Variants in ASCC3 observed in about 807,000 individuals in gnomAD.
ASCC3 encodes the protein activating signal cointegrator 1 complex subunit 3.
In ASCC3, 158 loss-of-function variants were observed where a neutral mutation model predicts 256.3. That is an observed-to-expected ratio of 0.62 (90% confidence interval 0.54 to 0.70). The LOEUF (loss-of-function observed/expected upper bound fraction) is 0.70. Ranked by LOEUF, ASCC3 falls within the 30% of genes least tolerant of loss-of-function variation. The pLI is 0.00. For missense variants in ASCC3, 2,259 were observed against 2,626.0 expected (o/e 0.86, Z 3.05); for synonymous variants, 948 against 883.4 (o/e 1.07, Z -1.30).
intron 3 of ASCC3, among the ~76,000 whole-genome samples, chr6:100,852,025 G>A (rs1209391460): frequency 3.3e-5 from 5 of 152,208 alleles, no homozygotes; most frequent in Non-Finnish European, 7.3e-5. Flanking sequence ...AGGCGTAAGA[G>A]ACTGGCTGTT....
chr6:100,633,110 C>G (rs1774639526), intron 25 of ASCC3, among the ~76,000 whole-genome samples: 1 of 152,118 alleles, frequency 6.6e-6, no homozygotes, highest in African/African-American at 2.4e-5. Context: ...TCCACGCTTC[C>G]AATTACTTGT....
intron 10 of ASCC3, among the ~76,000 whole-genome samples, chr6:100,731,018 T>C (rs984345061): frequency 2.6e-5 from 4 of 152,108 alleles, no homozygotes; most frequent in African/African-American, 9.7e-5. Context: ...ATAATAAAGC[T>C]AAAGCACAAA....
intron 10 of ASCC3, among the ~76,000 whole-genome samples, chr6:100,738,032 G>A (rs984979551): frequency 1.3e-5 from 2 of 152,182 alleles, no homozygotes; most frequent in South Asian, 2.1e-4. Context: ...CTCTGGAGAA[G>A]TGTCTGTTCA....
intron 14 of ASCC3, among the ~76,000 whole-genome samples, chr6:100,675,356 A>G (rs1776958244): frequency 6.6e-6 from 1 of 152,196 alleles, no homozygotes; most frequent in Non-Finnish European, 1.5e-5. Context: ...CATCCCTGCT[A>G]CTACTAAGTC....
At chr6:100,813,058 A>G (rs1170690457) in intron 4 of ASCC3, among the ~76,000 whole-genome samples, 1 of 152,192 alleles carries the variant, frequency 6.6e-6, no homozygotes, top group Non-Finnish European at 1.5e-5. Flanking sequence ...CATACACATA[A>G]TAAGCATACC....
intron 4 of ASCC3, among the ~76,000 whole-genome samples, chr6:100,847,048 T>G (rs1772418028): frequency 6.6e-6 from 1 of 152,080 alleles, no homozygotes; most frequent in Admixed American, 6.6e-5. Flanking sequence ...ATACTCCCCT[T>G]CCAACAATCA....
At chr6:100,704,249 G>T (rs1778480823) in intron 13 of ASCC3, among the ~76,000 whole-genome samples, 1 of 151,848 alleles carries the variant, frequency 6.6e-6, no homozygotes, top group Admixed American at 6.6e-5. Flanking sequence ...TTTAATTCTT[G>T]TGCTCCTAAT....
chr6:100,550,051 C>T (rs1021041123), intron 36 of ASCC3, among the ~76,000 whole-genome samples: 2 of 151,808 alleles, frequency 1.3e-5, no homozygotes, highest in African/African-American at 2.4e-5. Context: ...TTGGGAACAT[C>T]CATGAGCAGG....
chr6:100,605,442 GT>G, intron 33 of ASCC3, 125 bp downstream of exon 33: 1 of 706,646 alleles, frequency 1.4e-6, no homozygotes, highest in East Asian at 2.8e-5. Flanking sequence ...TAATTATATT[GT>G]TTCACATTAT....
At chr6:100,847,625 C>G (rs1217093887) in intron 4 of ASCC3, among the ~76,000 whole-genome samples, 1 of 152,082 alleles carries the variant, frequency 6.6e-6, no homozygotes, top group Non-Finnish European at 1.5e-5. Flanking sequence ...ATGTTACTTA[C>G]CATTTTGCAT....
chr6:100,605,499 AAATAT>A, intron 33 of ASCC3, 64 bp downstream of exon 33: 1 of 1,171,808 alleles, frequency 8.5e-7, no homozygotes, highest in Non-Finnish European at 1.2e-6. Flanking sequence ...TTATATAATA[AAATAT>A]AACCAGAAAA....
At chr6:100,811,335 C>G (rs1421652811) in intron 4 of ASCC3, among the ~76,000 whole-genome samples, 4 of 152,122 alleles carry the variant, frequency 2.6e-5, no homozygotes, top group Non-Finnish European at 5.9e-5. Context: ...TTATCACCTC[C>G]TTTCTCAAAT....
chr6:100,702,602 G>C (rs923173877), intron 13 of ASCC3, among the ~76,000 whole-genome samples: 1 of 152,068 alleles, frequency 6.6e-6, no homozygotes, highest in Non-Finnish European at 1.5e-5. Context: ...ATTTATAAAG[G>C]GTCTAAGGCC....
Position 100,867,911 on chromosome 6 carries a change from T to C in ASCC3, c.87A>G (p.Leu29=). 6.2e-7 allele frequency: 1 copy of C among 1,609,888 alleles called. No homozygotes were observed. The highest frequency in any genetic ancestry group is 8.5e-7 in the Non-Finnish European group (1 of 1,176,328). ...TTTCTACCTTTAACAAATCTACCTT[T>C]AAGTCAGCCACTTCTTCATTATAAT... ...QDNYNEEVAD[L]KIKRSKLHEQ... is the part of the protein sequence containing the mutation. Residue 29 remains leucine, a synonymous_variant, in exon 2 of 42, where the codon TTA becomes TTG. Coordinates refer to ENST00000369162, the MANE Select transcript of ASCC3 (RefSeq NM_006828.4).
At chr6:100,736,459 C>G (rs1237896405) in intron 10 of ASCC3, among the ~76,000 whole-genome samples, 1 of 151,904 alleles carries the variant, frequency 6.6e-6, no homozygotes, top group Non-Finnish European at 1.5e-5. Context: ...CGAGATCTTG[C>G]CACTGCACTC....
Position 100,744,171 on chromosome 6 carries a change from C to T in ASCC3, c.1738-18468G>A, listed in dbSNP as rs542402195. ...ATCCTTTTGTGCTGATAAAAATCTA[C>T]ACCGTGTATCATTTTACTTTCCCTT... On this transcript the variant is annotated intron_variant, in intron 10 of 41. Transcript: ENST00000369162. 3.9e-5 allele frequency among the ~76,000 whole-genome samples: 6 copies of T among 152,294 alleles called. No homozygotes were observed. In the South Asian group the frequency reaches 1.2e-3, roughly 32 times the overall value.
chr6:100,768,188 CAG>C (rs1308631611), intron 8 of ASCC3, among the ~76,000 whole-genome samples: 4 of 144,392 alleles, frequency 2.8e-5, no homozygotes, highest in African/African-American at 1.0e-4. Flanking sequence ...CTTTGTGACA[CAG>C]AGTTTGCACT....
chr6:100,683,015 G>A (rs1313862273), intron 13 of ASCC3, among the ~76,000 whole-genome samples: 1 of 152,072 alleles, frequency 6.6e-6, no homozygotes, highest in Non-Finnish European at 1.5e-5. Context: ...TGTGAAATTG[G>A]TTAATAATTA....
intron 36 of ASCC3, among the ~76,000 whole-genome samples, chr6:100,577,019 T>A: frequency 6.7e-6 from 1 of 149,276 alleles, no homozygotes. Flanking sequence ...ATTAACAGAC[T>A]GCCACATTAA....
Sources: gnomAD v4.1 joint callset for allele counts (sites outside exome capture counted in the v4.1 genomes callset) on GRCh38, gnomAD v4.1.1 for gene constraint, MANE v1.5 for transcripts, NCBI Gene and HGNC (gene_info 2026-07-23, HGNC 2026-07-21) for gene names.